Variants in PTPRD observed in about 807,000 individuals in gnomAD.
The protein encoded by PTPRD is receptor-type tyrosine-protein phosphatase delta.
PTPRD carries 34 observed loss-of-function variants against 214.5 expected under a neutral mutation model. The observed-to-expected ratio is 0.16, with a 90% CI of 0.12 to 0.21. The LOEUF is 0.21. PTPRD is among the 10% of genes least tolerant of loss of function. The pLI is 1.00. For synonymous variants in PTPRD, 1,128 were observed against 845.7 expected, an observed-to-expected ratio of 1.33 and a Z score of -5.79; for missense variants, 2,545 against 2,398.7, an observed-to-expected ratio of 1.06 and a Z score of -1.27.
intron 35 of PTPRD, among the ~76,000 whole-genome samples, chr9:8,421,110 C>T (rs1444041378): frequency 2.0e-5 from 3 of 152,088 alleles, no homozygotes. Context: ...AGAGTTATAA[C>T]CTAATGAAGC....
intron 2 of PTPRD, among the ~76,000 whole-genome samples, chr9:10,432,107 A>T (rs2098685837): frequency 6.6e-6 from 1 of 151,312 alleles, no homozygotes; most frequent in African/African-American, 2.4e-5. Context: ...ATGCAGCCAT[A>T]AAAAAATGAT....
intron 4 of PTPRD, among the ~76,000 whole-genome samples, chr9:9,961,938 T>G (rs1238557719): frequency 1.3e-5 from 2 of 152,056 alleles, no homozygotes; most frequent in Admixed American, 6.6e-5. Flanking sequence ...TTACCCTAAT[T>G]TGACCCATCA....
chr9:8,802,116 G>A (rs929970247), intron 11 of PTPRD, among the ~76,000 whole-genome samples: 1 of 152,140 alleles, frequency 6.6e-6, no homozygotes, highest in African/African-American at 2.4e-5. Flanking sequence ...CTCTTTAAAT[G>A]TAGGCTTTTT....
chr9:9,594,371 T>C (rs2093069016), intron 7 of PTPRD, among the ~76,000 whole-genome samples: 1 of 152,056 alleles, frequency 6.6e-6, no homozygotes, highest in Non-Finnish European at 1.5e-5. Flanking sequence ...GAAGGGTTTT[T>C]CCAATGTTAG....
At chr9:8,885,226 A>C (rs13295511) in intron 11 of PTPRD, among the ~76,000 whole-genome samples, 33,267 of 151,832 alleles carry the variant, frequency 0.22, 4,285 homozygotes, top group Non-Finnish European at 0.29. Context: ...CTGCAGTAAA[A>C]CTCTGCGAGG....
intron 8 of PTPRD, among the ~76,000 whole-genome samples, chr9:9,486,116 A>ACT (rs1267080019): frequency 8.1e-6 from 1 of 124,084 alleles, no homozygotes; most frequent in Non-Finnish European, 1.6e-5. Context: ...ACGCCACTGC[A>ACT]CTCCAGTCTG....
chr9:8,490,581 A>C (rs1244193111), intron 27 of PTPRD, among the ~76,000 whole-genome samples: 1 of 152,188 alleles, frequency 6.6e-6, no homozygotes, highest in Non-Finnish European at 1.5e-5. Context: ...CAAACCAATG[A>C]ATTTTCTGTT....
At chr9:9,732,289 T>C (rs1446860716) in intron 7 of PTPRD, among the ~76,000 whole-genome samples, 3 of 152,014 alleles carry the variant, frequency 2.0e-5, no homozygotes, top group Non-Finnish European at 4.4e-5. Context: ...GTATAACTTG[T>C]ATATCAAACT....
rs535806467 is a variant in PTPRD at position 10,449,777 on chromosome 9, G to A, written c.-599-108760C>T. 7.6e-4 allele frequency among the ~76,000 whole-genome samples: 115 copies of A among 150,640 alleles called. 2 individuals carry two copies. Among genetic ancestry groups the A allele is most frequent in the African/African-American group, 2.2e-3 (88 of 40,582 alleles). ...CTCATTGAGAACGGGCCATGATGAC[G>A]ATGGCGGTTTTGTCGAATAGAAAAG... On this transcript the variant is annotated intron_variant, in intron 2 of 45. Coordinates refer to ENST00000381196, the MANE Select transcript of PTPRD (RefSeq NM_002839.4).
In PTPRD at chr9:8,375,976, A is replaced by G. The variant is rs1171833795; in HGVS notation, c.4621T>C (p.Cys1541Arg). Residue 1541 changes from cysteine (C) to arginine (R), a missense_variant, in exon 39 of 46, where the codon TGT (cysteine) becomes CGT (arginine). Coordinates refer to ENST00000381196, the MANE Select transcript of PTPRD (RefSeq NM_002839.4). ...ATCGGACCAGCATCGGGAGGGTTAC[A>G]GGTTTTGACTCTACGTAAGAAAGCT... ...FLAFLRRVKT[C>R]NPPDAGPMVV... 7 of 1,612,758 alleles carry G rather than the reference A, an allele frequency of 4.3e-6. No individual in the cohort carries two copies. Among genetic ancestry groups the G allele is most frequent in the Non-Finnish European group, 5.9e-6 (7 of 1,179,212 alleles).
At chr9:8,386,866 G>T (rs758768150) in intron 37 of PTPRD, among the ~76,000 whole-genome samples, 1 of 152,202 alleles carries the variant, frequency 6.6e-6, no homozygotes, top group African/African-American at 2.4e-5. Context: ...GAGGGAGGAA[G>T]ACGGAAGAGC....
chr9:8,323,969 A>T (rs1172715038), intron 44 of PTPRD, among the ~76,000 whole-genome samples: 2 of 152,096 alleles, frequency 1.3e-5, no homozygotes, highest in Admixed American at 1.3e-4. Context: ...ATTTTCTTTT[A>T]AGAAATTGCT....
chr9:8,699,371 A>T lies in PTPRD; in HGVS notation c.64+34409T>A, dbSNP rs373191857. Among the ~76,000 whole-genome samples, 84 of 152,320 alleles carry T rather than the reference A, an allele frequency of 5.5e-4. 1 individual carries two copies. The highest frequency in any genetic ancestry group is 1.9e-3 in the African/African-American group (81 of 41,582). ...CACCTCATATCATTAAAAGTAAAAA[A>T]GATTAATTCCTGAAATAATGTAAAT... On this transcript the variant is annotated intron_variant, in intron 12 of 45. Coordinates refer to ENST00000381196, the MANE Select transcript of PTPRD (RefSeq NM_002839.4).
intron 11 of PTPRD, among the ~76,000 whole-genome samples, chr9:8,756,524 G>T (rs1183853973): frequency 1.3e-5 from 2 of 152,112 alleles, no homozygotes; most frequent in Non-Finnish European, 1.5e-5. Flanking sequence ...TGTTAAAGCT[G>T]TATCAGTTGG....
chr9:8,332,136 A>G (rs1179251685), intron 43 of PTPRD, among the ~76,000 whole-genome samples: 1 of 152,108 alleles, frequency 6.6e-6, no homozygotes, highest in African/African-American at 2.4e-5. Context: ...TTCCATTTCA[A>G]AAATTTCAGA....
chr9:8,848,486 C>T (rs964771343), intron 11 of PTPRD, among the ~76,000 whole-genome samples: 5 of 146,366 alleles, frequency 3.4e-5, no homozygotes, highest in African/African-American at 1.3e-4. Context: ...CAAGTGCACA[C>T]CACCGTATCT....
chr9:8,599,179 GAC>G (rs1317769054), intron 14 of PTPRD, among the ~76,000 whole-genome samples: 1 of 152,070 alleles, frequency 6.6e-6, no homozygotes, highest in African/African-American at 2.4e-5. Flanking sequence ...TGTAAAACAT[GAC>G]TTTACTTCTC....
Position 8,433,633 on chromosome 9 carries a change from T to C in PTPRD, c.4086+2959A>G, listed in dbSNP as rs1378794588. Reference sequence around the variant, plus strand: ...TTAATCAAAAATTCTAAAAAGTTAATATAATTTAAATAGAAAAACGCTTAT... The same window carrying C: ...TTAATCAAAAATTCTAAAAAGTTAACATAATTTAAATAGAAAAACGCTTAT... On this transcript the variant is annotated intron_variant, in intron 35 of 45. Coordinates refer to ENST00000381196, the MANE Select transcript of PTPRD (RefSeq NM_002839.4). Among the ~76,000 whole-genome samples the C allele has an allele frequency of 2.6e-5, 4 of 152,280 alleles. No homozygotes were observed. In the East Asian group the frequency reaches 7.7e-4, roughly 29 times the overall value.
intron 2 of PTPRD, among the ~76,000 whole-genome samples, chr9:10,539,965 G>A (rs2058725364): frequency 6.6e-6 from 1 of 152,062 alleles, no homozygotes; most frequent in Non-Finnish European, 1.5e-5. Context: ...ATACTTCTCT[G>A]GAATTCTTCT....
Sources: allele counts gnomAD v4.1 joint callset (sites outside exome capture counted in the v4.1 genomes callset), GRCh38; gene constraint gnomAD v4.1.1; transcripts MANE v1.5; gene names NCBI Gene and HGNC (gene_info 2026-07-23, HGNC 2026-07-21).